LRP1B: variants seen among roughly 807,000 people sequenced by gnomAD.
The protein encoded by LRP1B is low-density lipoprotein receptor-related protein 1B.
LRP1B carries 217 observed loss-of-function variants against 556.6 expected under a neutral mutation model. That is an observed-to-expected ratio of 0.39 (90% CI 0.35 to 0.44). The LOEUF (loss-of-function observed/expected upper bound fraction) is 0.44, where lower values mean the gene tolerates loss of function less well. Among genes scored for constraint, LRP1B ranks in the 20% least tolerant of loss-of-function variants. LRP1B has a pLI of 1.00. For synonymous variants in LRP1B, 2,047 were observed against 1,865.8 expected (o/e 1.10, Z -2.50); for missense variants, 5,053 against 5,620.8 (o/e 0.90, Z 3.23).
At chr2:141,220,086 G>A (rs1381552473) in intron 6 of LRP1B, among the ~76,000 whole-genome samples, 2 of 152,178 alleles carry the variant, frequency 1.3e-5, no homozygotes, top group Non-Finnish European at 2.9e-5. Flanking sequence ...CAAGATGAAT[G>A]ACCTGACAGA....
intron 23 of LRP1B, among the ~76,000 whole-genome samples, chr2:140,891,673 T>A (rs954090181): frequency 6.6e-6 from 1 of 152,140 alleles, no homozygotes; most frequent in East Asian, 1.9e-4. Context: ...GCTATAGGCA[T>A]ATTGGGAATG....
intron 3 of LRP1B, among the ~76,000 whole-genome samples, chr2:141,334,020 ATT>A (rs926907926): frequency 1.4e-4 from 22 of 152,250 alleles, no homozygotes; most frequent in Admixed American, 3.9e-4. Context: ...CTTAAAGAGG[ATT>A]TATTATGAAA....
intron 23 of LRP1B, among the ~76,000 whole-genome samples, chr2:140,891,836 A>G (rs933677390): frequency 2.6e-5 from 4 of 152,142 alleles, no homozygotes; most frequent in East Asian, 1.9e-4. Context: ...TTTTTTAAGA[A>G]CCAATTTTTT....
chr2:141,163,337 G>C (rs1285869625), intron 7 of LRP1B, among the ~76,000 whole-genome samples: 2 of 152,060 alleles, frequency 1.3e-5, no homozygotes, highest in Non-Finnish European at 2.9e-5. Context: ...ACTAAATAAA[G>C]GGTTTACACT....
intron 60 of LRP1B, among the ~76,000 whole-genome samples, chr2:140,472,995 A>G (rs942035398): frequency 2.2e-4 from 33 of 152,230 alleles, no homozygotes; most frequent in Middle Eastern, 3.4e-3. Context: ...CACAAAAGTT[A>G]TCGATATAAA....
intron 2 of LRP1B, among the ~76,000 whole-genome samples, chr2:141,675,829 T>C (rs1206244026): frequency 6.6e-6 from 1 of 151,942 alleles, no homozygotes; most frequent in Non-Finnish European, 1.5e-5. Context: ...TGAGATTCCA[T>C]TTGTATAGTG....
intron 41 of LRP1B, among the ~76,000 whole-genome samples, chr2:140,617,623 A>G (rs1683304246): frequency 1.3e-5 from 2 of 152,048 alleles, no homozygotes; most frequent in Non-Finnish European, 2.9e-5. Context: ...AAATGTTTAG[A>G]TATATCAGCA....
rs545966461 is a variant in LRP1B at position 140,733,208 on chromosome 2, A to T, written c.5759-16392T>A. ...GACCTGCAATCTTCCCTCCAACTTA[A>T]ATTTAGTCAATGTATAGTACGAATA... On this transcript the variant is annotated intron_variant, in intron 35 of 90. Coordinates refer to ENST00000389484, the MANE Select transcript of LRP1B (RefSeq NM_018557.3). Among the ~76,000 whole-genome samples the T allele has an allele frequency of 1.8e-3, 275 of 152,272 alleles. 1 individual carries two copies. Among genetic ancestry groups the T allele is most frequent in the Non-Finnish European group, 3.1e-3 (212 of 67,994 alleles).
At chr2:142,070,866 T>C (rs1390012123) in intron 1 of LRP1B, among the ~76,000 whole-genome samples, 1 of 151,978 alleles carries the variant, frequency 6.6e-6, no homozygotes, top group Non-Finnish European at 1.5e-5. Flanking sequence ...TTGTACCAGA[T>C]GCTTTCATAT....
At chr2:141,158,722 C>G (rs1007696521) in intron 7 of LRP1B, among the ~76,000 whole-genome samples, 1 of 152,092 alleles carries the variant, frequency 6.6e-6, no homozygotes, top group Non-Finnish European at 1.5e-5. Flanking sequence ...AGTCGGAATC[C>G]TTCTGTCTGC....
intron 6 of LRP1B, among the ~76,000 whole-genome samples, chr2:141,219,154 C>G (rs975265511): frequency 6.6e-6 from 1 of 152,314 alleles, no homozygotes; most frequent in Admixed American, 6.5e-5. Flanking sequence ...GCAATCCAAT[C>G]GGGTTGAGGC....
chr2:140,591,279 T>C (rs1171210402), intron 43 of LRP1B, among the ~76,000 whole-genome samples: 8 of 152,188 alleles, frequency 5.3e-5, no homozygotes, highest in African/African-American at 1.7e-4. Context: ...GCAATGTCCA[T>C]CATGTAAAAG....
intron 18 of LRP1B, among the ~76,000 whole-genome samples, chr2:140,968,172 G>C (rs1462195173): frequency 6.6e-6 from 1 of 151,534 alleles, no homozygotes; most frequent in African/African-American, 2.4e-5. Context: ...GACTTTTTTT[G>C]GTTGGTAAAC....
chr2:141,467,150 A>ATC (rs1682260308), intron 3 of LRP1B, among the ~76,000 whole-genome samples: 1 of 143,410 alleles, frequency 7.0e-6, no homozygotes, highest in African/African-American at 2.7e-5. Context: ...ATATATATAT[A>ATC]TCCTCTCAGG....
At chr2:141,017,337 G>C (rs150604236) in intron 12 of LRP1B, among the ~76,000 whole-genome samples, 1 of 151,102 alleles carries the variant, frequency 6.6e-6, no homozygotes, top group Non-Finnish European at 1.5e-5. Context: ...TAATCAATAC[G>C]GTTTTATTTT....
chr2:140,303,306 G>C (rs2105012202), intron 83 of LRP1B, among the ~76,000 whole-genome samples: 1 of 152,036 alleles, frequency 6.6e-6, no homozygotes, highest in African/African-American at 2.4e-5. Context: ...GGAGTGCAGT[G>C]GCACAGTCTT....
At chr2:141,625,767 G>A (rs1302427307) in intron 2 of LRP1B, among the ~76,000 whole-genome samples, 2 of 152,002 alleles carry the variant, frequency 1.3e-5, no homozygotes, top group South Asian at 2.1e-4. Context: ...AATCACCTAG[G>A]ATTTTTATTA....
At chr2:140,820,226 T>C (rs1353008802) in intron 31 of LRP1B, among the ~76,000 whole-genome samples, 5 of 152,204 alleles carry the variant, frequency 3.3e-5, no homozygotes. Flanking sequence ...GTGATCCACC[T>C]GGCTCAGCCT....
chr2:140,515,335 C>T (rs1256352852), intron 50 of LRP1B, among the ~76,000 whole-genome samples: 1 of 151,842 alleles, frequency 6.6e-6, no homozygotes, highest in Non-Finnish European at 1.5e-5. Context: ...GTTTGTTATA[C>T]CTGACTAATA....
Sources: gnomAD v4.1 joint callset for allele counts (sites outside exome capture counted in the v4.1 genomes callset) on GRCh38, gnomAD v4.1.1 for gene constraint, MANE v1.5 for transcripts, NCBI Gene and HGNC (gene_info 2026-07-23, HGNC 2026-07-21) for gene names.